RBMS1: variants seen among roughly 807,000 people sequenced by gnomAD.
RBMS1 encodes the protein RNA binding motif single stranded interacting protein 1, also known as RNA-binding motif, single-stranded-interacting protein 1.
In RBMS1, 17 loss-of-function variants were observed where a neutral mutation model predicts 62.3. The ratio of observed to expected loss-of-function variants is 0.27; its 90% CI spans 0.19 to 0.41. The LOEUF (loss-of-function observed/expected upper bound fraction) is 0.41, where lower values mean the gene tolerates loss of function less well. Among genes scored for constraint, RBMS1 ranks in the 10% least tolerant of loss-of-function variants. The pLI, the probability that RBMS1 is intolerant of heterozygous loss-of-function variation, is 1.00. For synonymous variants in RBMS1, 172 were observed against 170.0 expected, an observed-to-expected ratio of 1.01 and a Z score of -0.09; for missense variants, 334 against 504.5, an observed-to-expected ratio of 0.66 and a Z score of 3.24.
chr2:160,422,294 G>A (rs531969253), intron 1 of RBMS1, among the ~76,000 whole-genome samples: 2 of 152,248 alleles, frequency 1.3e-5, no homozygotes, highest in South Asian at 2.1e-4. Context: ...TTAGGGGGTC[G>A]TGAGTAAGCC....
chr2:160,320,190 G>A (rs956689927), intron 2 of RBMS1, among the ~76,000 whole-genome samples: 5 of 152,186 alleles, frequency 3.3e-5, no homozygotes, highest in Non-Finnish European at 5.9e-5. Flanking sequence ...ATTCCCAGCT[G>A]AGCATGGTGG....
At chr2:160,403,578 A>T (rs1695543433) in intron 1 of RBMS1, among the ~76,000 whole-genome samples, 1 of 152,222 alleles carries the variant, frequency 6.6e-6, no homozygotes, top group African/African-American at 2.4e-5. Flanking sequence ...ATCTACTTAA[A>T]CTGGGAAGAT....
At chr2:160,384,058 G>A (rs1559480776) in intron 1 of RBMS1, among the ~76,000 whole-genome samples, 3 of 152,184 alleles carry the variant, frequency 2.0e-5, no homozygotes, top group Non-Finnish European at 2.9e-5. Context: ...TTAGCCAGGC[G>A]TGGTGGCAGG....
In RBMS1 at chr2:160,411,227, C is replaced by A. The variant is rs550991457; in HGVS notation, c.76-43836G>T. Among the ~76,000 whole-genome samples the A allele has an allele frequency of 3.9e-5, 6 of 152,298 alleles. No individual in the cohort carries two copies. In the South Asian group the frequency reaches 1.2e-3, roughly 32 times the overall value. On this transcript the variant is annotated intron_variant, in intron 1 of 13. Coordinates refer to ENST00000348849, the MANE Select transcript of RBMS1 (RefSeq NM_016836.4). ...GAGCAGGACCAATCCAATTCTCACC[C>A]TTGGGGATTTGATTCTGAAAACTTC...
In RBMS1 at chr2:160,493,566, C is replaced by CTCT; in HGVS notation, c.-204_-203insAGA. On this transcript the variant is annotated 5_prime_UTR_variant, in exon 1 of 14. Transcript: ENST00000348849. ...CTTCCTCCTCCTCCTCCTCCTCCTC[C>CTCT]TCCTCTTCCTCCTCCTCCTCCTCCT... is the stretch of plus-strand genomic sequence containing the variant. 2 of 610,028 alleles carry CTCT rather than the reference C, an allele frequency of 3.3e-6. No individual in the cohort carries two copies. The highest frequency in any genetic ancestry group is 4.5e-4 in the Middle Eastern group (1 of 2,244). 37.8% of individuals were successfully genotyped at this position (610,028 alleles called of 1,614,324 possible). A position where few individuals can be genotyped will look rare whatever the true frequency, so the allele number is the denominator to read the frequency against.
intron 6 of RBMS1, among the ~76,000 whole-genome samples, chr2:160,287,616 C>T (rs1055496260): frequency 3.3e-5 from 5 of 152,232 alleles, no homozygotes; most frequent in Non-Finnish European, 5.9e-5. Context: ...GTTTCCCCTT[C>T]TAGGCTATAC....
chr2:160,440,310 C>T (rs1683360396), intron 1 of RBMS1, among the ~76,000 whole-genome samples: 1 of 152,108 alleles, frequency 6.6e-6, no homozygotes, highest in African/African-American at 2.4e-5. Flanking sequence ...ACCCAACATC[C>T]CTGGCCTCAA....
chr2:160,411,323 G>A (rs1327291153), intron 1 of RBMS1, among the ~76,000 whole-genome samples: 1 of 152,166 alleles, frequency 6.6e-6, no homozygotes, highest in Non-Finnish European at 1.5e-5. Context: ...GCCACAACAA[G>A]CCAAAACCAT....
chr2:160,415,532 C>T lies in RBMS1; in HGVS notation c.76-48141G>A, dbSNP rs922720409. 9.9e-5 allele frequency among the ~76,000 whole-genome samples: 15 copies of T among 151,942 alleles called. 1 individual carries two copies. The highest frequency in any genetic ancestry group is 8.5e-4 in the Admixed American group (13 of 15,256). On this transcript the variant is annotated intron_variant, in intron 1 of 13. Coordinates refer to ENST00000348849, the MANE Select transcript of RBMS1 (RefSeq NM_016836.4). Reference sequence around the variant, plus strand: ...AAACTGGAGCCAAAAATCTTTATATCGTGGGAAACAAAATTAATTCAAACC... The same window carrying T: ...AAACTGGAGCCAAAAATCTTTATATTGTGGGAAACAAAATTAATTCAAACC...
intron 6 of RBMS1, among the ~76,000 whole-genome samples, chr2:160,287,375 C>G (rs575271320): frequency 1.3e-5 from 2 of 152,212 alleles, no homozygotes; most frequent in South Asian, 4.1e-4. Context: ...TGGTTTTGGG[C>G]CCTCTCCAAT....
chr2:160,352,798 A>C (rs530462707), intron 2 of RBMS1, among the ~76,000 whole-genome samples: 1 of 152,278 alleles, frequency 6.6e-6, no homozygotes, highest in South Asian at 2.1e-4. Context: ...ACAGCTGTAT[A>C]ATACTAAAGT....
At chr2:160,438,533 C>T (rs1683218311) in intron 1 of RBMS1, among the ~76,000 whole-genome samples, 1 of 152,144 alleles carries the variant, frequency 6.6e-6, no homozygotes, top group South Asian at 2.1e-4. Flanking sequence ...CCATTCAACC[C>T]TGAGTGGACA....
chr2:160,374,600 C>T (rs544250738), intron 1 of RBMS1, among the ~76,000 whole-genome samples: 4 of 152,128 alleles, frequency 2.6e-5, no homozygotes, highest in South Asian at 2.1e-4. Flanking sequence ...AAACACTTCC[C>T]TTCCTTCTAT....
At chr2:160,478,883 T>C (rs1237636594) in intron 1 of RBMS1, among the ~76,000 whole-genome samples, 1 of 152,222 alleles carries the variant, frequency 6.6e-6, no homozygotes, top group Admixed American at 6.5e-5. Context: ...AATTGTATGA[T>C]GATTCCTGAA....
chr2:160,355,875 G>C (rs967027274), intron 2 of RBMS1, among the ~76,000 whole-genome samples: 2 of 151,972 alleles, frequency 1.3e-5, no homozygotes, highest in African/African-American at 4.8e-5. Context: ...CTTAAAGGTG[G>C]AAAATGTCTC....
intron 1 of RBMS1, among the ~76,000 whole-genome samples, chr2:160,433,372 C>G (rs940836874): frequency 5.3e-5 from 8 of 152,216 alleles, no homozygotes; most frequent in African/African-American, 1.9e-4. Context: ...CGAGATTGTG[C>G]CACTGCACGT....
chr2:160,277,578 G>T, intron 11 of RBMS1, 195 bp from the exon 12 acceptor site: 2 of 403,738 alleles, frequency 5.0e-6, no homozygotes, highest in Non-Finnish European at 8.8e-6. Flanking sequence ...TTTTGAATCT[G>T]CTAAACTAAA....
intron 1 of RBMS1, among the ~76,000 whole-genome samples, chr2:160,456,727 T>C (rs1684248548): frequency 6.6e-6 from 1 of 152,242 alleles, no homozygotes; most frequent in Admixed American, 6.5e-5. Flanking sequence ...TTTGACTGTC[T>C]GTTCCCTCAC....
chr2:160,449,739 T>C (rs1233216819), intron 1 of RBMS1, among the ~76,000 whole-genome samples: 2 of 152,104 alleles, frequency 1.3e-5, no homozygotes, highest in Non-Finnish European at 2.9e-5. Flanking sequence ...CTTGTTCCCA[T>C]GTTTATCTGC....
Sources: allele counts gnomAD v4.1 joint callset (sites outside exome capture counted in the v4.1 genomes callset), GRCh38; gene constraint gnomAD v4.1.1; transcripts MANE v1.5; gene names NCBI Gene and HGNC (gene_info 2026-07-23, HGNC 2026-07-21).